The following AP1B1 variants were observed in gnomAD, a reference collection of about 807,000 sequenced individuals.
AP1B1 encodes AP-1 complex subunit beta-1.
A neutral mutation model predicts 104.3 loss-of-function variants in AP1B1; 36 were observed. The ratio of observed to expected loss-of-function variants is 0.35; its 90% CI spans 0.26 to 0.46. AP1B1 has a LOEUF of 0.46. Ranked by LOEUF, AP1B1 falls within the 20% of genes least tolerant of loss-of-function variation. The probability of loss-of-function intolerance (pLI) is 1.00; values close to 1 mark genes in which losing one functional copy is unlikely to be tolerated. For synonymous variants in AP1B1, 504 were observed against 517.5 expected, an observed-to-expected ratio of 0.97 and a Z score of 0.35; for missense variants, 901 against 1,247.9, an observed-to-expected ratio of 0.72 and a Z score of 4.19.
intron 19 of AP1B1, 108 bp from the exon 20 acceptor site, chr22:29,330,817 TGAC>T (rs2061546826): frequency 1.1e-6 from 1 of 915,348 alleles, no homozygotes; most frequent in African/African-American, 1.6e-5. Flanking sequence ...ACGTGAAAGC[TGAC>T]AACAGGCACT....
chr22:29,353,315 G>C (rs2061905747), intron 7 of AP1B1, among the ~76,000 whole-genome samples: 1 of 152,184 alleles, frequency 6.6e-6, no homozygotes. Flanking sequence ...CCCCATGGGA[G>C]AGGCAAGACC....
chr22:29,364,575 C>CA (rs1315500373), intron 2 of AP1B1, among the ~76,000 whole-genome samples: 4 of 152,056 alleles, frequency 2.6e-5, no homozygotes, highest in African/African-American at 9.7e-5. Context: ...TGCGCCATCA[C>CA]ACCCAGCTAA....
chr22:29,354,236 G>T (rs1443656936), intron 7 of AP1B1, among the ~76,000 whole-genome samples: 2 of 152,242 alleles, frequency 1.3e-5, no homozygotes, highest in Non-Finnish European at 2.9e-5. Context: ...TTTCAGGACA[G>T]CTCGTGGACT....
Position 29,336,710 on chromosome 22 carries a change from A to G in AP1B1, c.2163+2280T>C, listed in dbSNP as rs1359097370. Among the ~76,000 whole-genome samples, 2 of 151,340 alleles carry G rather than the reference A, an allele frequency of 1.3e-5. 1 individual carries two copies. On this transcript the variant is annotated intron_variant, in intron 16 of 22. Transcript: ENST00000357586. Reference sequence around the variant, plus strand: ...CCCAGCTACTTCGGGAGGCTGAGGCAGAAGAATCGCTTGAACCCCGGAGAC... The same window carrying G: ...CCCAGCTACTTCGGGAGGCTGAGGCGGAAGAATCGCTTGAACCCCGGAGAC...
intron 1 of AP1B1, among the ~76,000 whole-genome samples, chr22:29,372,281 G>A (rs1445028195): frequency 1.3e-5 from 2 of 151,866 alleles, no homozygotes; most frequent in Non-Finnish European, 2.9e-5. Context: ...AAAATTAGCC[G>A]GGCATGCTGG....
rs539884203 is a variant in AP1B1 at position 29,339,887 on chromosome 22, C to T, written c.1999-113G>A. On this transcript the variant is annotated intron_variant, in intron 14 of 22. Coordinates refer to ENST00000357586, the MANE Select transcript of AP1B1 (RefSeq NM_001127.4). Reference sequence around the variant, plus strand: ...GAAGGGAAAGAGGGAGATTAGTCAACGGTAGCTCCATCCGAGAGGAGTGTG... The same window carrying T: ...GAAGGGAAAGAGGGAGATTAGTCAATGGTAGCTCCATCCGAGAGGAGTGTG... The T allele has an allele frequency of 3.2e-4, 363 of 1,144,174 alleles. 6 individuals are homozygous for T. Among genetic ancestry groups the T allele is most frequent in the South Asian group, 2.7e-3 (207 of 75,392 alleles). 70.9% of individuals were successfully genotyped at this position (1,144,174 alleles called of 1,614,324 possible).
intron 14 of AP1B1, among the ~76,000 whole-genome samples, chr22:29,340,271 G>T (rs992951098): frequency 6.6e-6 from 1 of 152,190 alleles, no homozygotes; most frequent in South Asian, 2.1e-4. Flanking sequence ...CTGCATAAGG[G>T]TAAGTGGACA....
intron 3 of AP1B1, 133 bp from the exon 4 acceptor site, chr22:29,360,092 A>C (rs573675826): frequency 6.1e-6 from 6 of 983,142 alleles, no homozygotes; most frequent in Non-Finnish European, 8.8e-6. Flanking sequence ...TCCTGGTAAA[A>C]GGGAGGGTTT....
intron 1 of AP1B1, among the ~76,000 whole-genome samples, chr22:29,387,589 A>G (rs1362498133): frequency 6.6e-6 from 1 of 151,948 alleles, no homozygotes; most frequent in Non-Finnish European, 1.5e-5. Flanking sequence ...TACAGGCGTG[A>G]GCCACCATGT....
intron 15 of AP1B1, among the ~76,000 whole-genome samples, chr22:29,339,540 G>T (rs2061683854): frequency 6.6e-6 from 1 of 152,014 alleles, no homozygotes; most frequent in South Asian, 2.1e-4. Flanking sequence ...GTCATGGGGT[G>T]GTGAGGACTG....
chr22:29,331,042 G>A (rs1052140379), intron 19 of AP1B1, among the ~76,000 whole-genome samples: 1 of 152,198 alleles, frequency 6.6e-6, no homozygotes, highest in African/African-American at 2.4e-5. Context: ...AGATGACATG[G>A]GCCAAGGGCT....
chr22:29,331,847 G>A lies in AP1B1; in HGVS notation c.2379C>T (p.Ile793=). ...AGCCCACCGTGCTGAGAGGCAGGGA[G>A]ATCTCCACTGTCTGGTTGGGGCTGA... is the stretch of plus-strand genomic sequence containing the variant. The part of the protein sequence containing the change: ...APLSPNQTVE[I]SLPLSTVGSV... Residue 793 remains isoleucine, a synonymous_variant, in exon 18 of 23, where the codon ATC becomes ATT. Coordinates refer to ENST00000357586, the MANE Select transcript of AP1B1 (RefSeq NM_001127.4). 1.2e-6 allele frequency: 2 copies of A among 1,614,142 alleles called. No homozygotes were observed. The highest frequency in any genetic ancestry group is 1.7e-6 in the Non-Finnish European group (2 of 1,180,014).
At chr22:29,359,066 T>A in intron 4 of AP1B1, 95 bp from the exon 5 acceptor site, 1 of 1,266,856 alleles carries the variant, frequency 7.9e-7, no homozygotes. Flanking sequence ...CCTGCTAGGC[T>A]GAGCGACATC....
intron 11 of AP1B1, among the ~76,000 whole-genome samples, chr22:29,344,857 A>G (rs2061768313): frequency 6.6e-6 from 1 of 152,056 alleles, no homozygotes; most frequent in African/African-American, 2.4e-5. Context: ...AGAGAGGCCT[A>G]GGAGCCAAGG....
At chr22:29,330,958 C>A (rs536723001) in intron 19 of AP1B1, among the ~76,000 whole-genome samples, 1 of 152,206 alleles carries the variant, frequency 6.6e-6, no homozygotes, top group Non-Finnish European at 1.5e-5. Flanking sequence ...CACCCCCACA[C>A]GCCTTCCTCC....
intron 7 of AP1B1, among the ~76,000 whole-genome samples, chr22:29,353,051 A>T (rs988681454): frequency 8.5e-5 from 13 of 152,184 alleles, no homozygotes; most frequent in Admixed American, 2.6e-4. Context: ...CTGAACAAGG[A>T]AACTTCAGAG....
At chr22:29,378,950 C>T (rs916970215) in intron 1 of AP1B1, among the ~76,000 whole-genome samples, 6 of 151,866 alleles carry the variant, frequency 4.0e-5, no homozygotes, top group Non-Finnish European at 8.8e-5. Flanking sequence ...AGACAAATGT[C>T]ACATGCAAAC....
chr22:29,343,898 G>A (rs906611171), intron 11 of AP1B1, among the ~76,000 whole-genome samples: 1 of 151,880 alleles, frequency 6.6e-6, no homozygotes, highest in African/African-American at 2.4e-5. Flanking sequence ...ATCACCTGAG[G>A]TCAGGAGTTC....
Position 29,334,350 on chromosome 22 carries a change from C to A in AP1B1, c.2224G>T (p.Val742Leu). 1 of 1,611,252 alleles carries A rather than the reference C, an allele frequency of 6.2e-7. No individual in the cohort carries two copies. Among genetic ancestry groups the A allele is most frequent in the South Asian group, 1.1e-5 (1 of 90,744 alleles). The change falls in exon 17 of 23, where the codon GTG becomes TTG. Residue 742 changes from valine to leucine, a missense_variant. Transcript: ENST00000357586. ...TGCAGGTCCATGGAGATGGAGCCCA[C>A]CTGGCGGGTGAAGGTGCCTGAGATC... ...LEISGTFTRQ[V>L]GSISMDLQLT... is the part of the protein sequence containing the mutation.
Sources: gnomAD v4.1 joint callset for allele counts (sites outside exome capture counted in the v4.1 genomes callset) on GRCh38, gnomAD v4.1.1 for gene constraint, MANE v1.5 for transcripts, NCBI Gene and HGNC (gene_info 2026-07-23, HGNC 2026-07-21) for gene names.